CDC42BPB: variants seen among roughly 807,000 people sequenced by gnomAD.
CDC42BPB encodes the protein CDC42 binding protein kinase beta.
A neutral mutation model predicts 214.9 loss-of-function variants in CDC42BPB; 37 were observed. That is an observed-to-expected ratio of 0.17 (90% confidence interval 0.13 to 0.23). The LOEUF is 0.23. CDC42BPB is among the 10% of genes least tolerant of loss of function. CDC42BPB has a pLI of 1.00. For missense variants in CDC42BPB, 1,694 were observed against 2,227.0 expected (o/e 0.76, Z 4.82); for synonymous variants, 931 against 884.0 (o/e 1.05, Z -0.94).
intron 34 of CDC42BPB, 160 bp from the exon 35 acceptor site, chr14:102,938,571 G>A (rs1411322742): frequency 2.0e-6 from 2 of 985,190 alleles, no homozygotes; most frequent in Non-Finnish European, 1.2e-6. Flanking sequence ...GGACAGTCTG[G>A]AACTAAGAAC....
Position 102,933,699 on chromosome 14 carries a change from C to G in CDC42BPB, c.*13G>C. On this transcript the variant is annotated 3_prime_UTR_variant, in exon 37 of 37. Coordinates refer to ENST00000361246, the MANE Select transcript of CDC42BPB (RefSeq NM_006035.4). Reference sequence around the variant, plus strand: ...ATCTCCAGCTCCCTGGCCCCTGTGGCGAGCTGGCGGCTTCAGGTGTCACAG... The same window carrying G: ...ATCTCCAGCTCCCTGGCCCCTGTGGGGAGCTGGCGGCTTCAGGTGTCACAG... The G allele has an allele frequency of 6.9e-7, 1 of 1,447,416 alleles. No individual in the cohort carries two copies. The highest frequency in any genetic ancestry group is 9.0e-7 in the Non-Finnish European group (1 of 1,113,512). 89.7% of individuals were successfully genotyped at this position (1,447,416 alleles called of 1,614,324 possible).
rs1196068686 is a variant in CDC42BPB at position 102,940,140 on chromosome 14, A to T, written c.4507-10T>A. 1 of 1,614,018 alleles carries T rather than the reference A, an allele frequency of 6.2e-7. No individual in the cohort carries two copies. The highest frequency in any genetic ancestry group is 8.5e-7 in the Non-Finnish European group (1 of 1,180,030). On this transcript the variant is annotated splice_polypyrimidine_tract_variant and intron_variant, in intron 31 of 36. Transcript: ENST00000361246. ...AGTTCAGGGGCCTTATCTGGATTGG[A>T]AACCAGGGAGGGACAGTAAGCGCGG...
In CDC42BPB at chr14:102,970,223, G is replaced by A; in HGVS notation, c.1923C>T (p.Ser641=). 3.1e-6 allele frequency: 5 copies of A among 1,613,716 alleles called. No individual in the cohort carries two copies. The highest frequency in any genetic ancestry group is 3.4e-6 in the Non-Finnish European group (4 of 1,179,898). The change falls in exon 14 of 37, where the codon TCC becomes TCT. Residue 641 remains serine (S), a synonymous_variant. Coordinates refer to ENST00000361246, the MANE Select transcript of CDC42BPB (RefSeq NM_006035.4). The part of the protein sequence containing the change: ...AQLDDAVAEA[S]KERKLREHSE... ...TGTGCTCACGAAGCTTGCGCTCCTT[G>A]GAGGCCTCAGCAACAGCATCATCAA...
chr14:103,056,515 T>G (rs1176947590), intron 1 of CDC42BPB, among the ~76,000 whole-genome samples: 3 of 132,868 alleles, frequency 2.3e-5, no homozygotes, highest in African/African-American at 2.9e-5. Flanking sequence ...AAGCGTGGGG[T>G]GGGGAAAGGG....
intron 5 of CDC42BPB, among the ~76,000 whole-genome samples, chr14:102,987,784 C>A: frequency 8.8e-6 from 1 of 113,064 alleles, no homozygotes; most frequent in South Asian, 3.5e-4. Flanking sequence ...CCCACAAACA[C>A]ACAAACACAC....
In CDC42BPB at chr14:102,939,928, C is replaced by T. The variant is rs563814555; in HGVS notation, c.4611G>A (p.Pro1537=). 147 of 1,613,926 alleles carry T rather than the reference C, an allele frequency of 9.1e-5. 1 individual carries two copies. Among genetic ancestry groups the T allele is most frequent in the Admixed American group, 7.5e-4 (45 of 60,032 alleles). The change falls in exon 33 of 37, where the codon CCG becomes CCA. Residue 1537 remains proline, a synonymous_variant. Transcript: ENST00000361246. ...GCTTCTTGCTGTTGTCGGAGGTGTC[C>T]GGCACGTTGAGAACCGCTCCTGCAG... ...SKFSGAVLNV[P]DTSDNSKKQM...
chr14:102,984,273 T>C (rs1035791660), intron 6 of CDC42BPB, among the ~76,000 whole-genome samples: 1 of 152,120 alleles, frequency 6.6e-6, no homozygotes, highest in Admixed American at 6.5e-5. Context: ...AGGCCAGCCT[T>C]TCTGATTTTC....
rs568436314 is a variant in CDC42BPB, at chr14:103,041,656, C to T, written c.175+15343G>A. On this transcript the variant is annotated intron_variant, in intron 1 of 36. Transcript: ENST00000361246. The stretch of plus-strand genomic sequence containing the variant: ...GCCCATCGTGTGGTGCCGCACAGTG[C>T]GAAATCACACCAAGGTGCGCACCGG... The T allele has an allele frequency of 1.8e-4, 110 of 596,170 alleles. 1 individual carries two copies. The East Asian group carries it at 3.1e-3, about 17-fold the overall frequency. 36.9% of individuals were successfully genotyped at this position (596,170 alleles called of 1,614,324 possible). A position where few individuals can be genotyped will look rare whatever the true frequency, so the allele number is the denominator to read the frequency against.
At chr14:103,007,657 C>T (rs1472898890) in intron 3 of CDC42BPB, among the ~76,000 whole-genome samples, 3 of 152,204 alleles carry the variant, frequency 2.0e-5, no homozygotes, top group Non-Finnish European at 2.9e-5. Context: ...TCGCTCAGGG[C>T]GGGTCAGAGA....
chr14:102,965,007 C>A (rs1413374828), intron 18 of CDC42BPB, among the ~76,000 whole-genome samples: 1 of 151,916 alleles, frequency 6.6e-6, no homozygotes, highest in African/African-American at 2.4e-5. Context: ...CTTACCGCGA[C>A]CTCCGCCTCT....
At chr14:102,949,570 C>G (rs1892385051) in intron 26 of CDC42BPB, among the ~76,000 whole-genome samples, 195 bp downstream of exon 26, 1 of 152,148 alleles carries the variant, frequency 6.6e-6, no homozygotes, top group Non-Finnish European at 1.5e-5. Context: ...GCACGCAGGC[C>G]CGTATGCATG....
intron 1 of CDC42BPB, among the ~76,000 whole-genome samples, chr14:103,028,952 C>A (rs1394479907): frequency 6.6e-6 from 1 of 152,130 alleles, no homozygotes; most frequent in Non-Finnish European, 1.5e-5. Context: ...TGCATATAAA[C>A]CATTTTCAGC....
intron 1 of CDC42BPB, among the ~76,000 whole-genome samples, chr14:103,028,138 G>C (rs1887153482): frequency 6.6e-6 from 1 of 152,038 alleles, no homozygotes; most frequent in African/African-American, 2.4e-5. Context: ...TCAAAAATAA[G>C]TAAATAAAAC....
intron 20 of CDC42BPB, among the ~76,000 whole-genome samples, chr14:102,961,625 G>A (rs546402362): frequency 1.3e-5 from 2 of 150,496 alleles, no homozygotes; most frequent in South Asian, 2.1e-4. Context: ...TCTGCCTCCC[G>A]GGTTGAGGTT....
chr14:102,965,067 G>A (rs1211047727), intron 18 of CDC42BPB, among the ~76,000 whole-genome samples: 1 of 151,984 alleles, frequency 6.6e-6, no homozygotes, highest in Non-Finnish European at 1.5e-5. Context: ...CCAGTAGCTG[G>A]GATTACAGGT....
intron 1 of CDC42BPB, among the ~76,000 whole-genome samples, chr14:103,021,043 C>A (rs1886742899): frequency 6.6e-6 from 1 of 152,198 alleles, no homozygotes; most frequent in Non-Finnish European, 1.5e-5. Flanking sequence ...TAAATAGGAG[C>A]TCTAGCTGAT....
At chr14:102,997,516 A>G (rs905258943) in intron 5 of CDC42BPB, among the ~76,000 whole-genome samples, 1 of 152,184 alleles carries the variant, frequency 6.6e-6, no homozygotes, top group Non-Finnish European at 1.5e-5. Flanking sequence ...CCATCTCAGA[A>G]TGAGTGCAGC....
rs1028147893 is a variant in CDC42BPB, at chr14:103,037,772, T to C, written c.175+19227A>G. The stretch of plus-strand genomic sequence containing the variant: ...TAGGCCGGGCGTGGTGGCTCACACC[T>C]GTAATCCCAGCACTTTGGGAGGCCG... On this transcript the variant is annotated intron_variant, in intron 1 of 36. Transcript: ENST00000361246. Among the ~76,000 whole-genome samples, 7 of 152,326 alleles carry C rather than the reference T, an allele frequency of 4.6e-5. No individual in the cohort carries two copies. The South Asian group carries it at 1.2e-3, about 27-fold the overall frequency.
At chr14:102,977,553 C>T (rs1467989856) in intron 9 of CDC42BPB, among the ~76,000 whole-genome samples, 2 of 152,172 alleles carry the variant, frequency 1.3e-5, no homozygotes, top group South Asian at 2.1e-4. Flanking sequence ...GGCGACACAA[C>T]TTTGCAAAGA....
Sources: gnomAD v4.1 joint callset for allele counts (sites outside exome capture counted in the v4.1 genomes callset) on GRCh38, gnomAD v4.1.1 for gene constraint, MANE v1.5 for transcripts, NCBI Gene and HGNC (gene_info 2026-07-23, HGNC 2026-07-21) for gene names.